Variants in PAK5 observed in about 807,000 individuals in gnomAD.
PAK5 encodes serine/threonine-protein kinase PAK 5.
PAK5 carries 16 observed loss-of-function variants against 65.9 expected under a neutral mutation model. That is an observed-to-expected ratio of 0.24 (90% CI 0.16 to 0.37). PAK5 has a LOEUF of 0.37. Ranked by LOEUF, PAK5 falls within the 10% of genes least tolerant of loss-of-function variation. The pLI is 1.00. For missense variants in PAK5, 785 were observed against 903.9 expected, an observed-to-expected ratio of 0.87 and a Z score of 1.69; for synonymous variants, 371 against 354.9, an observed-to-expected ratio of 1.05 and a Z score of -0.51.
intron 1 of PAK5, among the ~76,000 whole-genome samples, chr20:9,804,270 CA>C (rs1370081610): frequency 6.6e-6 from 1 of 152,170 alleles, no homozygotes; most frequent in Non-Finnish European, 1.5e-5. Context: ...TACAGATTTT[CA>C]AGTGTCTTTT....
chr20:9,721,302 A>C (rs550350889), intron 1 of PAK5, among the ~76,000 whole-genome samples: 3 of 152,160 alleles, frequency 2.0e-5, no homozygotes, highest in African/African-American at 7.2e-5. Flanking sequence ...ACAGTGATCC[A>C]GATATTCCTA....
chr20:9,718,214 A>G (rs567441151), intron 1 of PAK5, among the ~76,000 whole-genome samples: 1 of 152,172 alleles, frequency 6.6e-6, no homozygotes, highest in South Asian at 2.1e-4. Context: ...CTAAAATTCT[A>G]TGGTATATAA....
chr20:9,691,174 A>T (rs2047792179), intron 2 of PAK5, among the ~76,000 whole-genome samples: 1 of 152,216 alleles, frequency 6.6e-6, no homozygotes, highest in South Asian at 2.1e-4. Flanking sequence ...TCCTAGAAAC[A>T]TATTCTCAGA....
chr20:9,624,928 C>A (rs1374674296), intron 3 of PAK5, among the ~76,000 whole-genome samples: 2 of 152,180 alleles, frequency 1.3e-5, no homozygotes, highest in African/African-American at 4.8e-5. Flanking sequence ...CTGTTATAAG[C>A]AATTAAGTAA....
At chr20:9,748,333 A>G (rs1011946483) in intron 1 of PAK5, among the ~76,000 whole-genome samples, 4 of 152,156 alleles carry the variant, frequency 2.6e-5, no homozygotes, top group Admixed American at 2.6e-4. Flanking sequence ...TTGGAAAAAA[A>G]CTACTTTAAA....
intron 2 of PAK5, among the ~76,000 whole-genome samples, chr20:9,665,066 T>C (rs112652087): frequency 0.011 from 1,541 of 145,750 alleles, 20 homozygotes; most frequent in African/African-American, 0.037. Context: ...CACACCACCA[T>C]GCCCAGCTAA....
chr20:9,723,871 A>G (rs928384191), intron 1 of PAK5, among the ~76,000 whole-genome samples: 1 of 152,154 alleles, frequency 6.6e-6, no homozygotes, highest in Non-Finnish European at 1.5e-5. Context: ...GAACCTCACA[A>G]GTTTGTGAGC....
At chr20:9,790,078 C>T (rs906303326) in intron 1 of PAK5, among the ~76,000 whole-genome samples, 8 of 152,148 alleles carry the variant, frequency 5.3e-5, no homozygotes, top group Non-Finnish European at 1.0e-4. Flanking sequence ...ATTTCCCAAA[C>T]AGCTTTTCCA....
At chr20:9,653,965 T>G (rs1323322318) in intron 2 of PAK5, among the ~76,000 whole-genome samples, 2 of 151,102 alleles carry the variant, frequency 1.3e-5, no homozygotes, top group Admixed American at 1.3e-4. Flanking sequence ...TCTTCTCTTT[T>G]TTTTTTTTTT....
At chr20:9,773,647 C>T (rs2048857531) in intron 1 of PAK5, among the ~76,000 whole-genome samples, 1 of 152,076 alleles carries the variant, frequency 6.6e-6, no homozygotes, top group Non-Finnish European at 1.5e-5. Flanking sequence ...CAAGTGGGGG[C>T]AGAGAGTGGT....
At chr20:9,689,807 A>C (rs1050779046) in intron 2 of PAK5, among the ~76,000 whole-genome samples, 3 of 152,208 alleles carry the variant, frequency 2.0e-5, no homozygotes, top group Non-Finnish European at 4.4e-5. Context: ...TATCTCTGTG[A>C]ATTCATGTGT....
At chr20:9,714,552 C>G (rs909493933) in intron 1 of PAK5, among the ~76,000 whole-genome samples, 3 of 152,004 alleles carry the variant, frequency 2.0e-5, no homozygotes, top group African/African-American at 7.2e-5. Context: ...GAAGATTTTC[C>G]AATTAAGTTT....
intron 1 of PAK5, among the ~76,000 whole-genome samples, chr20:9,811,916 G>A (rs988257388): frequency 2.0e-5 from 3 of 152,140 alleles, no homozygotes; most frequent in Middle Eastern, 3.4e-3. Context: ...TTTGATTAAG[G>A]TGAGTTTATC....
intron 1 of PAK5, among the ~76,000 whole-genome samples, chr20:9,766,540 T>C (rs1396449088): frequency 7.2e-6 from 1 of 138,738 alleles, no homozygotes; most frequent in Non-Finnish European, 1.5e-5. Flanking sequence ...TATATATATA[T>C]ATATATATAT....
chr20:9,697,094 C>T (rs1481247420), intron 2 of PAK5, among the ~76,000 whole-genome samples: 1 of 152,042 alleles, frequency 6.6e-6, no homozygotes, highest in African/African-American at 2.4e-5. Flanking sequence ...TTCTGTTTTT[C>T]AAGCAGCATT....
chr20:9,674,407 A>T (rs1161534690), intron 2 of PAK5, among the ~76,000 whole-genome samples: 1 of 152,214 alleles, frequency 6.6e-6, no homozygotes, highest in Non-Finnish European at 1.5e-5. Context: ...GTACTTGGGG[A>T]TCAATACTAG....
chr20:9,637,622 A>T lies in PAK5; in HGVS notation c.204+6503T>A, dbSNP rs949468678. On this transcript the variant is annotated intron_variant, in intron 3 of 9. Coordinates refer to ENST00000353224, the MANE Select transcript of PAK5 (RefSeq NM_177990.4). ...TAGTAGAGAAATGGATAAATTGAAA[A>T]AAAAGCTAGAGTAATTTTTAAATAA... Among the ~76,000 whole-genome samples, 19 of 152,324 alleles carry T rather than the reference A, an allele frequency of 1.2e-4. 1 individual carries two copies. Among genetic ancestry groups the T allele is most frequent in the Middle Eastern group, 6.8e-3 (2 of 294 alleles).
intron 1 of PAK5, among the ~76,000 whole-genome samples, chr20:9,791,175 G>A (rs1369115372): frequency 6.6e-6 from 1 of 152,102 alleles, no homozygotes; most frequent in Non-Finnish European, 1.5e-5. Flanking sequence ...ACTTAGAAAT[G>A]TTAAGTTTTA....
chr20:9,611,736 GA>G, intron 3 of PAK5, among the ~76,000 whole-genome samples: 1 of 152,130 alleles, frequency 6.6e-6, no homozygotes, highest in Non-Finnish European at 1.5e-5. Context: ...GAAGACAGTG[GA>G]AAAAGTTTTT....
Sources: allele counts gnomAD v4.1 joint callset (sites outside exome capture counted in the v4.1 genomes callset), GRCh38; gene constraint gnomAD v4.1.1; transcripts MANE v1.5; gene names NCBI Gene and HGNC (gene_info 2026-07-23, HGNC 2026-07-21).